NAA30: variants seen among roughly 807,000 people sequenced by gnomAD.
NAA30 encodes the protein N-alpha-acetyltransferase 30.
In NAA30, 5 loss-of-function variants were observed where a neutral mutation model predicts 31.4. The ratio of observed to expected loss-of-function variants is 0.16; its 90% CI spans 0.08 to 0.33. The LOEUF (loss-of-function observed/expected upper bound fraction) is 0.33, where lower values mean the gene tolerates loss of function less well. NAA30 is among the 10% of genes least tolerant of loss of function. NAA30 has a pLI of 1.00. For synonymous variants in NAA30, 222 were observed against 207.1 expected, an observed-to-expected ratio of 1.07 and a Z score of -0.62; for missense variants, 428 against 490.8, an observed-to-expected ratio of 0.87 and a Z score of 1.21.
chr14:57,414,315 T>G lies in NAA30; in HGVS notation c.*4799T>G, dbSNP rs554553136. The stretch of plus-strand genomic sequence containing the variant: ...TTATACTGACAATATATTTCATTAA[T>G]ACAGTGTTTGACCACTTTCCACCCC... On this transcript the variant is annotated 3_prime_UTR_variant, in exon 5 of 5. Transcript: ENST00000556492. The G allele has an allele frequency of 1.3e-5, 2 of 152,342 alleles. No individual in the cohort carries two copies. Among genetic ancestry groups the G allele is most frequent in the South Asian group, 4.1e-4 (2 of 4,822 alleles). The allele number at this position is 152,342 out of a possible 1,614,324, so 9.4% of individuals were successfully genotyped here.
chr14:57,414,484 T>C lies in NAA30; in HGVS notation c.*4968T>C, dbSNP rs2139770341. 6.6e-6 allele frequency: 1 copy of C among 152,338 alleles called. No individual in the cohort carries two copies. The highest frequency in any genetic ancestry group is 1.5e-5 in the Non-Finnish European group (1 of 68,036). 9.4% of individuals were successfully genotyped at this position (152,338 alleles called of 1,614,324 possible). A position where few individuals can be genotyped will look rare whatever the true frequency, so the allele number is the denominator to read the frequency against. On this transcript the variant is annotated 3_prime_UTR_variant, in exon 5 of 5. Transcript: ENST00000556492. ...GAGACTTACCTTTTTAGCCTTAAAA[T>C]ATTTGTATAGTTGGCTCTAATAATT...
In NAA30 at chr14:57,391,093, G is replaced by C; in HGVS notation, c.136G>C (p.Glu46Gln). Reference sequence around the variant, plus strand: ...CTGCAGCGAGGACGAGGAGGACGACGAAGAGCACGAAGGCGGCGGCAGCAG... The same window carrying C: ...CTGCAGCGAGGACGAGGAGGACGACCAAGAGCACGAAGGCGGCGGCAGCAG... ...ACCSEDEEDD[E>Q]EHEGGGSRSP... Residue 46 changes from glutamate (E) to glutamine (Q), a missense_variant, in exon 2 of 5, where the codon GAA (glutamate) becomes CAA (glutamine). This residue lies in a region of NAA30 where 349 missense variants were observed against 310.4 expected (regional missense o/e 1.12). Coordinates refer to ENST00000556492, the MANE Select transcript of NAA30 (RefSeq NM_001011713.3). The surrounding 1 kb of genome is among the most constrained non-coding windows in gnomAD (Gnocchi z 4.1). 6.4e-7 allele frequency: 1 copy of C among 1,561,088 alleles called. No individual in the cohort carries two copies. The highest frequency in any genetic ancestry group is 1.9e-5 in the Admixed American group (1 of 52,376).
At chr14:57,404,091 G>A (rs894300311) in intron 4 of NAA30, among the ~76,000 whole-genome samples, 2 of 152,292 alleles carry the variant, frequency 1.3e-5, no homozygotes, top group South Asian at 2.1e-4. Flanking sequence ...GGAGGCCAAG[G>A]TGGGTGGATC....
chr14:57,402,345 A>C (rs1370973071), intron 4 of NAA30, among the ~76,000 whole-genome samples: 1 of 152,202 alleles, frequency 6.6e-6, no homozygotes, highest in Non-Finnish European at 1.5e-5. Context: ...TAGGACAGAG[A>C]TGCCTTCTCT....
At chr14:57,397,946 C>G (rs1184060007) in intron 3 of NAA30, among the ~76,000 whole-genome samples, 2 of 152,130 alleles carry the variant, frequency 1.3e-5, no homozygotes, top group Admixed American at 1.3e-4. Flanking sequence ...TCTCTAGGAC[C>G]TAGTGGCTCT....
rs1248984727 is a variant in NAA30 at position 57,412,905 on chromosome 14, C to G, written c.*3389C>G. ...AAGAAGTATTACATAATTGTCATCA[C>G]TGTTGTGTGTTCTGACAAAGTAAAT... On this transcript the variant is annotated 3_prime_UTR_variant, in exon 5 of 5. Coordinates refer to ENST00000556492, the MANE Select transcript of NAA30 (RefSeq NM_001011713.3). 6.6e-6 allele frequency: 1 copy of G among 152,174 alleles called. No homozygotes were observed. The highest frequency in any genetic ancestry group is 2.1e-4 in the South Asian group (1 of 4,826). The allele number at this position is 152,174 out of a possible 1,614,324, so 9.4% of individuals were successfully genotyped here. A position where few individuals can be genotyped will look rare whatever the true frequency, so the allele number is the denominator to read the frequency against.
rs983270452 is a variant in NAA30 at position 57,415,202 on chromosome 14, A to G, written c.*5686A>G. 1 of 152,246 alleles carries G rather than the reference A, an allele frequency of 6.6e-6. No homozygotes were observed. The highest frequency in any genetic ancestry group is 1.5e-5 in the Non-Finnish European group (1 of 68,042). The allele number at this position is 152,246 out of a possible 1,614,324, so 9.4% of individuals were successfully genotyped here. On this transcript the variant is annotated 3_prime_UTR_variant, in exon 5 of 5. Transcript: ENST00000556492. ...AGACATTTGTTATTGGATGTGTTAC[A>G]TAGTAAATCAATTTGAAATTTCTTA...
rs954151963 is a variant in NAA30, at chr14:57,414,319, GTGTT to G, written c.*4806_*4809del. ...ACTGACAATATATTTCATTAATACA[GTGTT>G]TGACCACTTTCCACCCCACCAACCA... On this transcript the variant is annotated 3_prime_UTR_variant, in exon 5 of 5. Transcript: ENST00000556492. The G allele has an allele frequency of 1.2e-4, 19 of 152,316 alleles. No homozygotes were observed. The highest frequency in any genetic ancestry group is 4.3e-4 in the African/African-American group (18 of 41,564). 9.4% of individuals were successfully genotyped at this position (152,316 alleles called of 1,614,324 possible). A position where few individuals can be genotyped will look rare whatever the true frequency, so the allele number is the denominator to read the frequency against.
intron 3 of NAA30, 119 bp downstream of exon 3, chr14:57,396,994 T>C: frequency 1.1e-6 from 1 of 926,302 alleles, no homozygotes; most frequent in South Asian, 3.0e-5. Flanking sequence ...GGAAGAAAAT[T>C]AAGGCGGGTT....
rs80084019 is a variant in NAA30, at chr14:57,392,195, A to G, written c.771+467A>G. On this transcript the variant is annotated intron_variant, in intron 2 of 4. Transcript: ENST00000556492. ...ATGTCAGCAAACTTGGTGTGGTCATATTGGAGAATTAAATCTTACAAGCAT... is the reference window on the plus strand; with the variant it reads ...ATGTCAGCAAACTTGGTGTGGTCATGTTGGAGAATTAAATCTTACAAGCAT... Among the ~76,000 whole-genome samples the G allele has an allele frequency of 2.2e-3, 341 of 152,280 alleles. 7 individuals carry two copies. The East Asian group carries it at 0.056, about 25-fold the overall frequency.
chr14:57,398,997 G>T (rs2066462622), intron 3 of NAA30, among the ~76,000 whole-genome samples: 1 of 151,448 alleles, frequency 6.6e-6, no homozygotes, highest in Non-Finnish European at 1.5e-5. Context: ...AAAATGCTGG[G>T]ATTACAGGCG....
Position 57,391,553 on chromosome 14 carries a change from G to C in NAA30, c.596G>C (p.Ser199Thr). 1 of 1,614,130 alleles carries C rather than the reference G, an allele frequency of 6.2e-7. No individual in the cohort carries two copies. The highest frequency in any genetic ancestry group is 2.2e-5 in the East Asian group (1 of 44,864). ...SSLTADCSLR[S>T]PSGREVEPGE... ...CTGACCGCCGACTGCAGCTTAAGAA[G>C]CCCTTCGGGCAGGGAGGTTGAGCCT... Residue 199 changes from serine to threonine, a missense_variant, in exon 2 of 5, where the codon AGC (serine) becomes ACC (threonine). Physicochemically the swap from Ser to Thr is moderately conservative, Grantham distance 58 (BLOSUM62 1). Transcript: ENST00000556492. This position sits in a 1 kb window ranked among gnomAD's most constrained non-coding sequence, Gnocchi z 4.1.
chr14:57,397,654 C>T (rs912340979), intron 3 of NAA30, among the ~76,000 whole-genome samples: 1 of 152,164 alleles, frequency 6.6e-6, no homozygotes, highest in East Asian at 1.9e-4. Flanking sequence ...GTGCCGGGTG[C>T]GGTGGCTCAC....
intron 2 of NAA30, among the ~76,000 whole-genome samples, chr14:57,392,451 C>T (rs2066433589): frequency 6.6e-6 from 1 of 151,796 alleles, no homozygotes; most frequent in Non-Finnish European, 1.5e-5. Context: ...TAGATGTGGC[C>T]AAACACTAGT....
intron 4 of NAA30, among the ~76,000 whole-genome samples, chr14:57,407,960 G>GT (rs2066506442): frequency 6.6e-6 from 1 of 152,166 alleles, no homozygotes; most frequent in African/African-American, 2.4e-5. Context: ...GAGGAATGAG[G>GT]TTCAAAGATG....
intron 2 of NAA30, among the ~76,000 whole-genome samples, chr14:57,396,098 C>A (rs547606871): frequency 1.3e-5 from 2 of 152,288 alleles, no homozygotes; most frequent in South Asian, 2.1e-4. Context: ...TCTCAGCTTT[C>A]CAAGTAGCTG....
In NAA30 at chr14:57,390,661, C is replaced by A. The variant is rs932316885; in HGVS notation, c.-46C>A. 6 of 370,916 alleles carry A rather than the reference C, an allele frequency of 1.6e-5. No homozygotes were observed. The highest frequency in any genetic ancestry group is 8.4e-5 in the African/African-American group (4 of 47,606). 23.0% of individuals were successfully genotyped at this position (370,916 alleles called of 1,614,324 possible). On this transcript the variant is annotated 5_prime_UTR_variant, in exon 1 of 5. Transcript: ENST00000556492. Reference sequence around the variant, plus strand: ...GCTGCGAAGGAGGCGGCGGCGGTGGCGGAGGAAGAGGAGTGGCGGCAGCGG... The same window carrying A: ...GCTGCGAAGGAGGCGGCGGCGGTGGAGGAGGAAGAGGAGTGGCGGCAGCGG...
rs1238450950 is a variant in NAA30 at position 57,410,821 on chromosome 14, A to G, written c.*1305A>G. 6.6e-6 allele frequency: 1 copy of G among 152,522 alleles called. No homozygotes were observed. The highest frequency in any genetic ancestry group is 1.5e-5 in the Non-Finnish European group (1 of 67,966). 9.4% of individuals were successfully genotyped at this position (152,522 alleles called of 1,614,324 possible). A position where few individuals can be genotyped will look rare whatever the true frequency, so the allele number is the denominator to read the frequency against. ...CAAATTTTACAGTTAATTGCTTTCA[A>G]TTGAGTCAGTAAACCTGTGATAGAT... On this transcript the variant is annotated 3_prime_UTR_variant, in exon 5 of 5. Coordinates refer to ENST00000556492, the MANE Select transcript of NAA30 (RefSeq NM_001011713.3).
At chr14:57,396,947 A>G (rs1482249256) in intron 3 of NAA30, 72 bp downstream of exon 3, 3 of 1,462,202 alleles carry the variant, frequency 2.1e-6, no homozygotes, top group African/African-American at 1.4e-5. Context: ...GAAATAAAAG[A>G]CTTAAATGTA....
Sources: allele counts gnomAD v4.1 joint callset (sites outside exome capture counted in the v4.1 genomes callset), GRCh38; gene constraint gnomAD v4.1.1; regional missense constraint gnomAD v4.1.1; non-coding constraint Gnocchi (gnomAD v3.1); transcripts MANE v1.5; gene names NCBI Gene and HGNC (gene_info 2026-07-23, HGNC 2026-07-21).